Variants in GLIS3 observed in about 807,000 individuals in gnomAD.
The protein encoded by GLIS3 is zinc finger protein GLIS3.
Under a neutral mutation model 78.6 loss-of-function variants are expected in GLIS3, and 53 were observed. The observed-to-expected ratio is 0.67, with a 90% CI of 0.54 to 0.85. The LOEUF (loss-of-function observed/expected upper bound fraction) is 0.85, where lower values mean the gene tolerates loss of function less well. GLIS3 is among the 40% of genes least tolerant of loss of function. The pLI is 0.00. For synonymous variants in GLIS3, 684 were observed against 509.9 expected (o/e 1.34, Z -4.60); for missense variants, 1,703 against 1,231.1 (o/e 1.38, Z -5.74).
intron 4 of GLIS3, among the ~76,000 whole-genome samples, chr9:4,079,211 T>C (rs1828336533): frequency 6.6e-6 from 1 of 152,188 alleles, no homozygotes; most frequent in Non-Finnish European, 1.5e-5. Flanking sequence ...ACAGATGACA[T>C]TTATGCCTTG....
chr9:4,136,330 A>G (rs1564102143), intron 2 of GLIS3, among the ~76,000 whole-genome samples: 2 of 152,334 alleles, frequency 1.3e-5, no homozygotes, highest in South Asian at 4.1e-4. Context: ...ATCAAAGAAG[A>G]AGAGTATGAA....
chr9:4,275,136 A>G (rs1008964713), intron 2 of GLIS3, among the ~76,000 whole-genome samples: 2 of 152,208 alleles, frequency 1.3e-5, no homozygotes, highest in Non-Finnish European at 2.9e-5. Flanking sequence ...AGAGGCATGG[A>G]AAGGTGCTTA....
intron 8 of GLIS3, among the ~76,000 whole-genome samples, chr9:3,872,314 C>G (rs925126639): frequency 6.6e-6 from 1 of 152,210 alleles, no homozygotes; most frequent in Non-Finnish European, 1.5e-5. Flanking sequence ...GTTACCCAGT[C>G]CCAAAGTTGC....
chr9:4,327,778 C>T (rs1447623794), intron 2 of GLIS3, among the ~76,000 whole-genome samples: 1 of 152,178 alleles, frequency 6.6e-6, no homozygotes, highest in Non-Finnish European at 1.5e-5. Context: ...GCACAGTAGG[C>T]AAGAAGTGTC....
At chr9:4,220,599 A>C (rs945128062) in intron 2 of GLIS3, among the ~76,000 whole-genome samples, 1 of 152,132 alleles carries the variant, frequency 6.6e-6, no homozygotes. Context: ...AGTCTTCAAA[A>C]ATGCCAAGTC....
At chr9:4,461,763 C>T in the GLIS3 span, among the ~76,000 whole-genome samples, 9 of 152,162 alleles carry the variant, frequency 5.9e-5, no homozygotes, top group Non-Finnish European at 1.0e-4. Flanking sequence ...CATGTCCCAA[C>T]TAGCATTACA....
At chr9:4,485,058 A>G in the GLIS3 span, among the ~76,000 whole-genome samples, 5 of 151,902 alleles carry the variant, frequency 3.3e-5, no homozygotes, top group African/African-American at 1.2e-4. Context: ...CCCGTCGACC[A>G]GGCTGGAGTG....
chr9:3,874,384 A>G (rs1191351923), intron 8 of GLIS3, among the ~76,000 whole-genome samples: 2 of 152,242 alleles, frequency 1.3e-5, no homozygotes, highest in African/African-American at 2.4e-5. Context: ...CCCTTCCCGT[A>G]TGCCTTGACC....
intron 2 of GLIS3, among the ~76,000 whole-genome samples, chr9:4,165,087 CACAGATGCAGGAGA>C (rs1269862458): frequency 2.6e-5 from 4 of 152,074 alleles, no homozygotes; most frequent in Non-Finnish European, 4.4e-5. Context: ...TTTGAGGGTC[CACAGATGCAGGAGA>C]ACAGAGGCTG....
At chr9:4,149,899 T>A (rs1329348694) in intron 2 of GLIS3, among the ~76,000 whole-genome samples, 8 of 152,240 alleles carry the variant, frequency 5.3e-5, no homozygotes, top group Non-Finnish European at 1.2e-4. Flanking sequence ...AGATATGAAG[T>A]ATCTTATCTG....
the GLIS3 span, among the ~76,000 whole-genome samples, chr9:4,400,363 T>C: frequency 6.6e-6 from 1 of 150,846 alleles, no homozygotes; most frequent in East Asian, 1.9e-4. Flanking sequence ...GAGCTCTTTA[T>C]GAAGTTGTAA....
intron 2 of GLIS3, among the ~76,000 whole-genome samples, chr9:4,153,719 T>C (rs1482004618): frequency 6.6e-6 from 1 of 152,206 alleles, no homozygotes; most frequent in Non-Finnish European, 1.5e-5. Context: ...TAAATGGTAG[T>C]GGGTCAACAG....
In GLIS3 at chr9:4,010,067, A is replaced by G. The variant is rs558728195; in HGVS notation, c.1711-72878T>C. ...CCAGTATCCCTGGCCTCTCCTCACTAGACTCTAATAGCACCCTCCGAGTTG... is the reference window on the plus strand; with the variant it reads ...CCAGTATCCCTGGCCTCTCCTCACTGGACTCTAATAGCACCCTCCGAGTTG... On this transcript the variant is annotated intron_variant, in intron 4 of 10. Coordinates refer to ENST00000381971, the MANE Select transcript of GLIS3 (RefSeq NM_001042413.2). Among the ~76,000 whole-genome samples, 4 of 152,048 alleles carry G rather than the reference A, an allele frequency of 2.6e-5. No individual in the cohort carries two copies. The South Asian group carries it at 8.3e-4, about 32-fold the overall frequency.
At chr9:3,933,426 C>G (rs530744160) in intron 5 of GLIS3, among the ~76,000 whole-genome samples, 21 of 152,302 alleles carry the variant, frequency 1.4e-4, no homozygotes, top group African/African-American at 5.1e-4. Context: ...CATTTCAGCA[C>G]CTATTTCTGT....
intron 1 of GLIS3, among the ~76,000 whole-genome samples, chr9:4,297,927 C>G (rs979877628): frequency 6.7e-6 from 1 of 149,964 alleles, no homozygotes; most frequent in African/African-American, 2.5e-5. Context: ...GGAGATTCCT[C>G]GGCGCGGAGC....
At chr9:4,400,442 T>G in the GLIS3 span, among the ~76,000 whole-genome samples, 49 of 152,280 alleles carry the variant, frequency 3.2e-4, no homozygotes, top group East Asian at 9.5e-3. Flanking sequence ...AGAATGTGAT[T>G]ATGAGACATG....
chr9:4,325,847 T>A (rs890674599), intron 2 of GLIS3, among the ~76,000 whole-genome samples: 1 of 152,204 alleles, frequency 6.6e-6, no homozygotes, highest in Non-Finnish European at 1.5e-5. Flanking sequence ...GTGGTACATA[T>A]ACACCATGTA....
chr9:4,300,121 A>C (rs1011959291), upstream of GLIS3, among the ~76,000 whole-genome samples: 2 of 31,720 alleles, frequency 6.3e-5, no homozygotes, highest in African/African-American at 2.6e-4. Flanking sequence ...TGAGCGCCGG[A>C]GGGGGAGGGG....
At position 4,072,072 on chromosome 9, in the gene GLIS3, G is replaced by T. The variant is rs60236454; in HGVS notation, c.1710+45696C>A. ...TCTTCCTGTTGTCTCAGCCACTAAA[G>T]AAGTCCAGGCAAAGCTGTGCAGGGA... On this transcript the variant is annotated intron_variant, in intron 4 of 10. Coordinates refer to ENST00000381971, the MANE Select transcript of GLIS3 (RefSeq NM_001042413.2). Among the ~76,000 whole-genome samples, 400 of 152,272 alleles carry T rather than the reference G, an allele frequency of 2.6e-3. 4 individuals carry two copies. The highest frequency in any genetic ancestry group is 9.3e-3 in the African/African-American group (386 of 41,556).
Sources: allele counts gnomAD v4.1 joint callset (sites outside exome capture counted in the v4.1 genomes callset), GRCh38; gene constraint gnomAD v4.1.1; transcripts MANE v1.5; gene names NCBI Gene and HGNC (gene_info 2026-07-23, HGNC 2026-07-21).